Variants in SOX5 observed in about 807,000 individuals in gnomAD.
SOX5 encodes the protein SRY-box transcription factor 5, also known as transcription factor SOX-5.
A neutral mutation model predicts 92.0 loss-of-function variants in SOX5; 9 were observed. The ratio of observed to expected loss-of-function variants is 0.10; its 90% confidence interval spans 0.06 to 0.17. The LOEUF is 0.17. Ranked by LOEUF, SOX5 falls within the 10% of genes least tolerant of loss-of-function variation. SOX5 has a pLI of 1.00. For synonymous variants in SOX5, 344 were observed against 336.3 expected (o/e 1.02, Z -0.25); for missense variants, 642 against 944.5 (o/e 0.68, Z 4.20).
intron 13 of SOX5, among the ~76,000 whole-genome samples, chr12:23,540,029 G>A (rs995096316): frequency 6.6e-6 from 1 of 151,434 alleles, no homozygotes; most frequent in African/African-American, 2.4e-5. Flanking sequence ...ATGCAGCTGA[G>A]GTGTTAACTA....
chr12:23,544,806 T>C (rs1397266918), intron 12 of SOX5, among the ~76,000 whole-genome samples: 2 of 152,218 alleles, frequency 1.3e-5, no homozygotes, highest in African/African-American at 2.4e-5. Flanking sequence ...TTGTCTTTTA[T>C]TGACAAAATA....
At chr12:23,916,207 C>T (rs2097414986) in intron 1 of SOX5, among the ~76,000 whole-genome samples, 1 of 152,188 alleles carries the variant, frequency 6.6e-6, no homozygotes, top group Non-Finnish European at 1.5e-5. Flanking sequence ...TGGCCATCAG[C>T]ATTCCCAAAA....
chr12:24,434,948 G>C (rs1053908489), intron 1 of SOX5, among the ~76,000 whole-genome samples: 2 of 152,220 alleles, frequency 1.3e-5, no homozygotes, highest in African/African-American at 4.8e-5. Context: ...ACCTAGCAGA[G>C]CTATAGTTTT....
At chr12:23,960,772 A>G (rs956805743) in intron 4 of SOX5, among the ~76,000 whole-genome samples, 12 of 151,912 alleles carry the variant, frequency 7.9e-5, no homozygotes, top group African/African-American at 2.7e-4. Flanking sequence ...TAAAAATTAG[A>G]CATCAAATTT....
intron 4 of SOX5, among the ~76,000 whole-genome samples, chr12:24,087,324 A>G (rs1944119254): frequency 6.6e-6 from 1 of 152,068 alleles, no homozygotes; most frequent in African/African-American, 2.4e-5. Flanking sequence ...GAGATGTAAT[A>G]TTTCATTTGT....
chr12:24,467,322 A>G (rs2137573255), intron 1 of SOX5, among the ~76,000 whole-genome samples: 1 of 152,344 alleles, frequency 6.6e-6, no homozygotes, highest in South Asian at 2.1e-4. Flanking sequence ...TCATAACTTA[A>G]TGAGAAAGAG....
chr12:24,228,957 ATTAGT>A (rs1962742317), intron 3 of SOX5, among the ~76,000 whole-genome samples: 1 of 152,204 alleles, frequency 6.6e-6, no homozygotes, highest in African/African-American at 2.4e-5. Flanking sequence ...AGCCCATATA[ATTAGT>A]TTATTCACAA....
At chr12:24,540,637 T>C (rs1230808639) in intron 1 of SOX5, among the ~76,000 whole-genome samples, 1 of 152,178 alleles carries the variant, frequency 6.6e-6, no homozygotes, top group Non-Finnish European at 1.5e-5. Context: ...AGTAATGAGA[T>C]GGATGTTTTA....
At chr12:23,735,882 A>G (rs1330860276) in intron 5 of SOX5, among the ~76,000 whole-genome samples, 1 of 152,112 alleles carries the variant, frequency 6.6e-6, no homozygotes, top group African/African-American at 2.4e-5. Flanking sequence ...TTGTTTATTT[A>G]TTTGCTAGTA....
At chr12:24,141,209 T>C (rs572845323) in intron 4 of SOX5, among the ~76,000 whole-genome samples, 1 of 152,324 alleles carries the variant, frequency 6.6e-6, no homozygotes, top group African/African-American at 2.4e-5. Context: ...TCCTTTTACA[T>C]CTTTCTTCTC....
At chr12:24,234,390 A>T (rs1268721758) in intron 3 of SOX5, among the ~76,000 whole-genome samples, 3 of 152,162 alleles carry the variant, frequency 2.0e-5, no homozygotes, top group African/African-American at 7.2e-5. Context: ...TGTTAAAGAG[A>T]GAGGGCTAAA....
upstream of SOX5, among the ~76,000 whole-genome samples, chr12:23,950,394 C>G (rs1050068991): frequency 2.6e-5 from 4 of 152,078 alleles, no homozygotes; most frequent in African/African-American, 9.7e-5. Context: ...GTCACTCACT[C>G]TGTCGGTCTC....
intron 1 of SOX5, among the ~76,000 whole-genome samples, chr12:24,517,314 C>T (rs924056699): frequency 6.6e-6 from 1 of 152,140 alleles, no homozygotes; most frequent in African/African-American, 2.4e-5. Flanking sequence ...CTCAACACAA[C>T]CAAGCAGCCC....
intron 1 of SOX5, among the ~76,000 whole-genome samples, chr12:24,418,346 G>A (rs957189413): frequency 2.0e-5 from 3 of 152,232 alleles, no homozygotes; most frequent in Admixed American, 2.0e-4. Context: ...CTCCTTGCCA[G>A]TGATTGGTTG....
intron 9 of SOX5, among the ~76,000 whole-genome samples, chr12:23,597,404 T>C (rs928329357): frequency 9.9e-5 from 15 of 152,178 alleles, no homozygotes; most frequent in African/African-American, 3.4e-4. Flanking sequence ...GGACATTTAA[T>C]ACCACAGAGC....
At chr12:23,874,267 C>G (rs1316332518) in intron 2 of SOX5, among the ~76,000 whole-genome samples, 1 of 152,120 alleles carries the variant, frequency 6.6e-6, no homozygotes, top group Non-Finnish European at 1.5e-5. Flanking sequence ...TTCTAACATT[C>G]ATTTATTTAT....
intron 2 of SOX5, among the ~76,000 whole-genome samples, chr12:24,283,047 T>C (rs998545309): frequency 6.6e-6 from 1 of 152,262 alleles, no homozygotes; most frequent in African/African-American, 2.4e-5. Context: ...TTAGTACAGA[T>C]GTACCTTAGT....
At chr12:24,544,590 G>C (rs765583076) in intron 1 of SOX5, among the ~76,000 whole-genome samples, 1 of 151,998 alleles carries the variant, frequency 6.6e-6, no homozygotes, top group Non-Finnish European at 1.5e-5. Context: ...TATGACCCTG[G>C]CTAATGCAAA....
chr12:23,834,508 A>T (rs978983574), intron 3 of SOX5, among the ~76,000 whole-genome samples: 5 of 151,946 alleles, frequency 3.3e-5, no homozygotes, highest in African/African-American at 9.7e-5. Context: ...TACATGAAAC[A>T]GCCCACATTA....
Sources: allele counts gnomAD v4.1 joint callset (sites outside exome capture counted in the v4.1 genomes callset), GRCh38; gene constraint gnomAD v4.1.1; transcripts MANE v1.5; gene names NCBI Gene and HGNC (gene_info 2026-07-23, HGNC 2026-07-21).